Variants in SMIM35 observed in about 807,000 individuals in gnomAD.
SMIM35 encodes TMPRSS4 antisense RNA 1 (non-protein coding).
chr11:118,076,655 A>G (rs1944699749), intron 1 of SMIM35, among the ~76,000 whole-genome samples: 1 of 152,046 alleles, frequency 6.6e-6, no homozygotes, highest in Non-Finnish European at 1.5e-5. Context: ...CCTCCCTAAG[A>G]GAAGAAACTC....
chr11:118,042,962 A>C (rs1174158427), intron 1 of SMIM35, among the ~76,000 whole-genome samples: 2 of 152,264 alleles, frequency 1.3e-5, no homozygotes, highest in African/African-American at 4.8e-5. Context: ...TTTCATGATA[A>C]AAACACTCAA....
intron 1 of SMIM35, among the ~76,000 whole-genome samples, chr11:118,024,480 T>C (rs2058258106): frequency 6.6e-6 from 1 of 152,160 alleles, no homozygotes; most frequent in African/African-American, 2.4e-5. Context: ...CTGTTTTGTT[T>C]TGTTTTGTTT....
chr11:118,014,089 A>G (rs1338692623), intron 3 of SMIM35, among the ~76,000 whole-genome samples: 1 of 152,156 alleles, frequency 6.6e-6, no homozygotes, highest in African/African-American at 2.4e-5. Context: ...GAGGACTTCC[A>G]GCTCGCACTC....
intron 1 of SMIM35, among the ~76,000 whole-genome samples, chr11:118,019,732 C>A (rs1024313208): frequency 4.6e-5 from 7 of 150,990 alleles, no homozygotes; most frequent in Admixed American, 1.3e-4. Context: ...TTTACAGTTT[C>A]GGACTTTAAT....
chr11:118,055,683 C>G (rs1318756468), intron 1 of SMIM35, among the ~76,000 whole-genome samples: 16 of 152,212 alleles, frequency 1.1e-4, no homozygotes. Context: ...CTCATGTCTG[C>G]CTACAAAACA....
chr11:118,016,808 G>A (rs1476694056), intron 1 of SMIM35, among the ~76,000 whole-genome samples: 1 of 152,190 alleles, frequency 6.6e-6, no homozygotes, highest in Non-Finnish European at 1.5e-5. Flanking sequence ...AGAGCACTTA[G>A]GAGAGGATCT....
intron 1 of SMIM35, among the ~76,000 whole-genome samples, chr11:118,042,332 G>C (rs913257597): frequency 1.3e-5 from 2 of 152,002 alleles, no homozygotes; most frequent in African/African-American, 2.4e-5. Flanking sequence ...ACAATGAACA[G>C]TTGTACACCA....
At chr11:118,073,352 G>A (rs1213667269) in intron 1 of SMIM35, among the ~76,000 whole-genome samples, 1 of 152,202 alleles carries the variant, frequency 6.6e-6, no homozygotes, top group Non-Finnish European at 1.5e-5. Context: ...CCATGGTTAC[G>A]CAAATCATTA....
chr11:118,022,617 G>A (rs1035495922), intron 1 of SMIM35, among the ~76,000 whole-genome samples: 4 of 152,172 alleles, frequency 2.6e-5, no homozygotes, highest in Admixed American at 6.5e-5. Flanking sequence ...GTCCAAGGCA[G>A]CTAAAGTTCA....
intron 1 of SMIM35, among the ~76,000 whole-genome samples, chr11:118,054,952 C>T (rs962701155): frequency 6.6e-5 from 10 of 152,050 alleles, no homozygotes; most frequent in African/African-American, 1.7e-4. Context: ...TACAGGTGCG[C>T]GCCACCATGC....
chr11:118,054,327 T>C (rs1022449054), intron 1 of SMIM35, among the ~76,000 whole-genome samples: 1 of 152,230 alleles, frequency 6.6e-6, no homozygotes, highest in Admixed American at 6.5e-5. Context: ...AGAGATGTCC[T>C]TTCTGTACAT....
At chr11:118,028,837 G>T in intron 1 of SMIM35, 1 of 450,642 alleles carries the variant, frequency 2.2e-6, no homozygotes, top group South Asian at 1.6e-5. Flanking sequence ...AAGGGGAAAA[G>T]GAGAAGAAAA....
At chr11:118,047,867 A>G (rs1007344354) in intron 1 of SMIM35, among the ~76,000 whole-genome samples, 1 of 152,154 alleles carries the variant, frequency 6.6e-6, no homozygotes, top group African/African-American at 2.4e-5. Context: ...TTGAGTGCCT[A>G]AGCTTTGCTA....
At chr11:118,085,635 G>T (rs1945490137) in intron 1 of SMIM35, among the ~76,000 whole-genome samples, 1 of 152,176 alleles carries the variant, frequency 6.6e-6, no homozygotes, top group Admixed American at 6.5e-5. Flanking sequence ...CCTCAGTTCA[G>T]GTAAATTGCA....
chr11:118,046,584 A>G (rs1944099755), intron 1 of SMIM35, among the ~76,000 whole-genome samples: 1 of 152,158 alleles, frequency 6.6e-6, no homozygotes, highest in South Asian at 2.1e-4. Context: ...TGTCCCTCCA[A>G]TTAAGGCAAG....
chr11:118,034,450 C>T (rs2058342836), intron 1 of SMIM35, among the ~76,000 whole-genome samples: 1 of 151,996 alleles, frequency 6.6e-6, no homozygotes, highest in Non-Finnish European at 1.5e-5. Context: ...GGGCTCAGCC[C>T]AGTGGCTCAT....
At chr11:118,010,902 T>A (rs2058146731) in intron 4 of SMIM35, among the ~76,000 whole-genome samples, 1 of 152,204 alleles carries the variant, frequency 6.6e-6, no homozygotes, top group Non-Finnish European at 1.5e-5. Flanking sequence ...ACTGCTATGA[T>A]CTGGGTCCCA....
intron 1 of SMIM35, among the ~76,000 whole-genome samples, chr11:118,054,906 C>G (rs999341530): frequency 1.3e-5 from 2 of 151,372 alleles, no homozygotes; most frequent in Non-Finnish European, 2.9e-5. Context: ...CAGGTTCAAG[C>G]GATTCTCCTA....
At chr11:118,054,710 T>C (rs1944283397) in intron 1 of SMIM35, among the ~76,000 whole-genome samples, 1 of 152,208 alleles carries the variant, frequency 6.6e-6, no homozygotes, top group Non-Finnish European at 1.5e-5. Context: ...TCCTGTTGTG[T>C]TTTTATATGT....
Sources: gnomAD v4.1 joint callset for allele counts (sites outside exome capture counted in the v4.1 genomes callset) on GRCh38, gnomAD v4.1.1 for gene constraint, MANE v1.5 for transcripts, NCBI Gene and HGNC (gene_info 2026-07-23, HGNC 2026-07-21) for gene names.